AHI1: variants seen among roughly 807,000 people sequenced by gnomAD.
The protein encoded by AHI1 is jouberin.
AHI1 carries 123 observed loss-of-function variants against 149.3 expected under a neutral mutation model. The observed-to-expected ratio is 0.82, with a 90% CI of 0.71 to 0.96. AHI1 has a LOEUF of 0.96. Among genes scored for constraint, AHI1 ranks in the 40% least tolerant of loss-of-function variants. The pLI is 0.00. For synonymous variants in AHI1, 475 were observed against 459.8 expected, an observed-to-expected ratio of 1.03 and a Z score of -0.42; for missense variants, 1,439 against 1,422.7, an observed-to-expected ratio of 1.01 and a Z score of -0.18.
chr6:135,488,228 G>A (rs915059003), intron 5 of AHI1, among the ~76,000 whole-genome samples: 1 of 152,054 alleles, frequency 6.6e-6, no homozygotes, highest in South Asian at 2.1e-4. Context: ...TCTCAGCAAG[G>A]TTTCTTCATC....
intron 28 of AHI1, among the ~76,000 whole-genome samples, chr6:135,289,453 CCA>C: frequency 6.6e-6 from 1 of 151,994 alleles, no homozygotes; most frequent in Non-Finnish European, 1.5e-5. Flanking sequence ...TGAGATTGCA[CCA>C]CTGCATTCTA....
In AHI1 at chr6:135,411,364, C is replaced by A. The variant is rs370400336; in HGVS notation, c.2945G>T (p.Arg982Met). The A allele has an allele frequency of 1.5e-4, 240 of 1,613,658 alleles. 1 individual carries two copies. In the East Asian group the frequency reaches 3.9e-3, roughly 26 times the overall value. The change falls in exon 21 of 29, where the codon AGG becomes ATG. Residue 982 changes from arginine (R) to methionine (M), a missense_variant. Arg to Met is a moderately conservative substitution (Grantham distance 91). Transcript: ENST00000265602. ...TAAACTTACTGTGACAGTTTCAAGC[C>A]TCTGTTTTACTAGCTGCATCTTCGT... The part of the protein sequence containing the change: ...SSTKMQLVKQ[R>M]LETVTEVIRS...
chr6:135,359,030 T>C (rs1793435377), intron 23 of AHI1, among the ~76,000 whole-genome samples: 1 of 152,238 alleles, frequency 6.6e-6, no homozygotes, highest in Non-Finnish European at 1.5e-5. Context: ...AACTACAATG[T>C]CTGTTAATAG....
chr6:135,421,363 G>A (rs1379932928), intron 20 of AHI1, among the ~76,000 whole-genome samples: 1 of 152,112 alleles, frequency 6.6e-6, no homozygotes, highest in Non-Finnish European at 1.5e-5. Flanking sequence ...CAATATCTAT[G>A]AAGCACAATA....
chr6:135,436,177 A>T (rs189953545), intron 15 of AHI1, among the ~76,000 whole-genome samples: 2 of 152,368 alleles, frequency 1.3e-5, no homozygotes, highest in African/African-American at 4.8e-5. Context: ...TAAGCATATA[A>T]AACCAGGAGA....
chr6:135,381,675 C>G (rs529176275), intron 23 of AHI1, among the ~76,000 whole-genome samples: 1 of 152,340 alleles, frequency 6.6e-6, no homozygotes, highest in East Asian at 1.9e-4. Flanking sequence ...AAACTAAGTG[C>G]ACTTTATAAG....
intron 18 of AHI1, among the ~76,000 whole-genome samples, chr6:135,429,385 C>T (rs1784340524): frequency 6.6e-6 from 1 of 151,576 alleles, no homozygotes; most frequent in Non-Finnish European, 1.5e-5. Flanking sequence ...TTTCCCAGAA[C>T]ACTGCTTCCA....
At chr6:135,364,326 G>A (rs1326121922) in intron 23 of AHI1, among the ~76,000 whole-genome samples, 3 of 151,382 alleles carry the variant, frequency 2.0e-5, no homozygotes, top group Non-Finnish European at 4.4e-5. Context: ...TCACTTCCCA[G>A]ATGTGATGGC....
At chr6:135,470,171 A>T (rs749672938) in intron 5 of AHI1, among the ~76,000 whole-genome samples, 3 of 152,208 alleles carry the variant, frequency 2.0e-5, no homozygotes, top group Admixed American at 6.5e-5. Context: ...ATGAACACAC[A>T]CTTCTTAAAA....
chr6:135,402,692 C>G lies in AHI1; in HGVS notation c.2988+2259G>C, dbSNP rs189781949. On this transcript the variant is annotated intron_variant, in intron 22 of 28. Coordinates refer to ENST00000265602, the MANE Select transcript of AHI1 (RefSeq NM_001134831.2). ...CTCCTCAGGCTATTCAATGTGAAGA[C>G]AAAGGAAGACCTCTATGATGATTCA... is the stretch of plus-strand genomic sequence containing the variant. Among the ~76,000 whole-genome samples the G allele has an allele frequency of 2.0e-5, 3 of 152,202 alleles. No individual in the cohort carries two copies. In the East Asian group the frequency reaches 5.8e-4, roughly 29 times the overall value.
chr6:135,492,658 A>C, intron 3 of AHI1: 1 of 982,566 alleles, frequency 1.0e-6, no homozygotes, highest in Non-Finnish European at 1.2e-6. Flanking sequence ...CTCAGGATTG[A>C]CTTTCCTAAG....
chr6:135,396,852 T>C (rs2128487670), intron 22 of AHI1, among the ~76,000 whole-genome samples: 1 of 151,778 alleles, frequency 6.6e-6, no homozygotes. Context: ...TCTATAGATA[T>C]AGATATATCT....
In AHI1 at chr6:135,288,844, C is replaced by A. The variant is rs918868288; in HGVS notation, c.3588+1579G>T. ...TGCACATTTTGAAAACAAAACAAAA[C>A]AAAAAAAAAACCCTAACATATTACC... On this transcript the variant is annotated intron_variant, in intron 28 of 28. Transcript: ENST00000265602. Among the ~76,000 whole-genome samples the A allele has an allele frequency of 4.8e-3, 700 of 146,084 alleles. 22 individuals carry two copies. The highest frequency in any genetic ancestry group is 2.0e-3 in the East Asian group (10 of 5,010).
chr6:135,440,612 G>A (rs553563888), intron 14 of AHI1, among the ~76,000 whole-genome samples: 14 of 152,220 alleles, frequency 9.2e-5, no homozygotes, highest in African/African-American at 3.1e-4. Context: ...ATTGTGTACC[G>A]AAGCATTGAA....
chr6:135,423,316 G>A (rs1783479047), intron 20 of AHI1, among the ~76,000 whole-genome samples: 1 of 152,008 alleles, frequency 6.6e-6, no homozygotes, highest in African/African-American at 2.4e-5. Context: ...ATTTGTAATT[G>A]TTAATGCCAA....
rs190917758 is a variant in AHI1 at position 135,342,782 on chromosome 6, A to G, written c.3165+15350T>C. 1.2e-4 allele frequency among the ~76,000 whole-genome samples: 18 copies of G among 152,000 alleles called. No homozygotes were observed. In the East Asian group the frequency reaches 3.5e-3, roughly 29 times the overall value. On this transcript the variant is annotated intron_variant, in intron 24 of 28. Transcript: ENST00000265602. ...TATAATAACCTGATATATAGCCTAT[A>G]AAGGCTATATATAGGCTACACACAC... is the stretch of plus-strand genomic sequence containing the variant.
intron 24 of AHI1, among the ~76,000 whole-genome samples, chr6:135,325,908 C>T (rs144058907): frequency 3.3e-5 from 5 of 152,226 alleles, no homozygotes; most frequent in Admixed American, 1.3e-4. Flanking sequence ...GTGTGAACCT[C>T]GGAAAGTCTG....
At chr6:135,324,900 C>G in intron 24 of AHI1, among the ~76,000 whole-genome samples, 1 of 152,240 alleles carries the variant, frequency 6.6e-6, no homozygotes, top group Middle Eastern at 3.4e-3. Flanking sequence ...TAACTGCTGT[C>G]ACCATATAAG....
chr6:135,393,738 AAT>A (rs1397574044), intron 23 of AHI1, among the ~76,000 whole-genome samples: 9 of 152,090 alleles, frequency 5.9e-5, no homozygotes, highest in Non-Finnish European at 1.0e-4. Flanking sequence ...TTACAATATA[AAT>A]ATGTTATATT....
Sources: gnomAD v4.1 joint callset for allele counts (sites outside exome capture counted in the v4.1 genomes callset) on GRCh38, gnomAD v4.1.1 for gene constraint, MANE v1.5 for transcripts, NCBI Gene and HGNC (gene_info 2026-07-23, HGNC 2026-07-21) for gene names.